The following XPO1 variants were observed in gnomAD, a reference collection of about 807,000 sequenced individuals.
XPO1 encodes exportin 1.
In XPO1, 5 loss-of-function variants were observed where a neutral mutation model predicts 133.3. That is an observed-to-expected ratio of 0.04 (90% CI 0.02 to 0.08). The LOEUF (loss-of-function observed/expected upper bound fraction) is 0.08. Ranked by LOEUF, XPO1 falls within the 10% of genes least tolerant of loss-of-function variation. XPO1 has a pLI of 1.00. For synonymous variants in XPO1, 419 were observed against 408.2 expected (o/e 1.03, Z -0.32); for missense variants, 506 against 1,267.5 (o/e 0.40, Z 9.12).
chr2:61,499,222 A>C (rs1385561700), intron 7 of XPO1, among the ~76,000 whole-genome samples: 1 of 152,232 alleles, frequency 6.6e-6, no homozygotes, highest in Non-Finnish European at 1.5e-5. Flanking sequence ...ACTATTGTTA[A>C]CAATTGGGGA....
chr2:61,506,203 T>C (rs545604116), intron 4 of XPO1, among the ~76,000 whole-genome samples: 2 of 152,204 alleles, frequency 1.3e-5, no homozygotes, highest in East Asian at 3.9e-4. Flanking sequence ...GGCAGATCAC[T>C]TGAGGTCAGG....
intron 16 of XPO1, among the ~76,000 whole-genome samples, chr2:61,491,794 C>A (rs1473204358): frequency 6.6e-6 from 1 of 151,462 alleles, no homozygotes; most frequent in Non-Finnish European, 1.5e-5. Flanking sequence ...CAGCTACCCA[C>A]GAGGCCAAGG....
chr2:61,482,785 T>G, intron 22 of XPO1, 172 bp downstream of exon 22: 3 of 833,096 alleles, frequency 3.6e-6, no homozygotes, highest in Non-Finnish European at 3.6e-6. Flanking sequence ...TATTGTATCT[T>G]TTATTTTTTT....
chr2:61,520,026 A>C (rs1347519001), intron 4 of XPO1, among the ~76,000 whole-genome samples: 3 of 152,148 alleles, frequency 2.0e-5, no homozygotes, highest in Non-Finnish European at 1.5e-5. Flanking sequence ...ACTGTGACAT[A>C]CAGCACTTTG....
chr2:61,502,194 C>A (rs1697562388), intron 5 of XPO1, 55 bp downstream of exon 5: 2 of 1,587,472 alleles, frequency 1.3e-6, no homozygotes, highest in African/African-American at 2.7e-5. Context: ...TGTAGTCAGA[C>A]TCAATATCTA....
chr2:61,518,419 C>CAAA (rs1698514315), intron 4 of XPO1, among the ~76,000 whole-genome samples: 1 of 15,842 alleles, frequency 6.3e-5, no homozygotes, highest in Admixed American at 5.0e-4. Flanking sequence ...AAAAACAAAA[C>CAAA]ACACACACAC....
At chr2:61,496,833 A>G in intron 10 of XPO1, 46 bp downstream of exon 10, 1 of 1,456,910 alleles carries the variant, frequency 6.9e-7, no homozygotes, top group Non-Finnish European at 9.1e-7. Context: ...GTATTTTCTA[A>G]GGCACTAAAA....
rs2104382841 is a variant in XPO1 at position 61,488,246 on chromosome 2, C to T, written c.2232G>A (p.Leu744=). 1 of 1,613,952 alleles carries T rather than the reference C, an allele frequency of 6.2e-7. No individual in the cohort carries two copies. Among genetic ancestry groups the T allele is most frequent in the Non-Finnish European group, 8.5e-7 (1 of 1,179,934 alleles). ...TTTTTACAGTTCGCATACTTCTAAT[C>T]AATGGTTGCTTTGTAACCATTTCAC... ...ANGEMVTKQP[L]IRSMRTVKRE... Residue 744 remains leucine, a synonymous_variant, in exon 19 of 25, where the codon TTG becomes TTA. Coordinates refer to ENST00000401558, the MANE Select transcript of XPO1 (RefSeq NM_003400.4).
At chr2:61,486,033 T>C in intron 19 of XPO1, 71 bp from the exon 20 acceptor site, 5 of 1,366,712 alleles carry the variant, frequency 3.7e-6, no homozygotes, top group Non-Finnish European at 5.0e-6. Context: ...AACAAGGTTA[T>C]TCCTGTCTAT....
chr2:61,514,382 G>A (rs1698251343), intron 4 of XPO1, among the ~76,000 whole-genome samples: 2 of 151,970 alleles, frequency 1.3e-5, no homozygotes, highest in South Asian at 4.2e-4. Context: ...TACCAGGTCA[G>A]GAGTTCGAGA....
intron 4 of XPO1, among the ~76,000 whole-genome samples, chr2:61,518,294 T>A (rs1033230608): frequency 2.0e-5 from 3 of 151,600 alleles, no homozygotes; most frequent in African/African-American, 7.3e-5. Context: ...GGTTCGCACC[T>A]GTAATCCCAG....
chr2:61,482,258 G>T, intron 23 of XPO1, 122 bp downstream of exon 23: 1 of 638,430 alleles, frequency 1.6e-6, no homozygotes, highest in Non-Finnish European at 2.3e-6. Context: ...TGTCTAGGTT[G>T]GTCTCCAACT....
chr2:61,520,702 G>A (rs1021902697), intron 4 of XPO1, among the ~76,000 whole-genome samples: 1 of 152,140 alleles, frequency 6.6e-6, no homozygotes, highest in Non-Finnish European at 1.5e-5. Context: ...TGTAACAAAT[G>A]TAACTACAGT....
chr2:61,518,338 G>A (rs1558666958), intron 4 of XPO1, among the ~76,000 whole-genome samples: 2 of 151,440 alleles, frequency 1.3e-5, no homozygotes, highest in Admixed American at 6.6e-5. Flanking sequence ...GGATGACGAG[G>A]TCAGGAGATC....
chr2:61,492,508 T>G lies in XPO1; in HGVS notation c.1567-27A>C. ...TGTAAATAAGACAAATTTGTATTAT[T>G]TATTGTAACAACATAATACTTATTT... On this transcript the variant is annotated intron_variant, in intron 14 of 24. Coordinates refer to ENST00000401558, the MANE Select transcript of XPO1 (RefSeq NM_003400.4). This position sits in a 1 kb window ranked among gnomAD's most constrained non-coding sequence, Gnocchi z 5.6. 1 of 1,589,962 alleles carries G rather than the reference T, an allele frequency of 6.3e-7. No homozygotes were observed. The highest frequency in any genetic ancestry group is 8.5e-7 in the Non-Finnish European group (1 of 1,171,324).
intron 21 of XPO1, 122 bp from the exon 22 acceptor site, chr2:61,483,213 T>C: frequency 9.8e-7 from 1 of 1,025,490 alleles, no homozygotes; most frequent in Non-Finnish European, 1.4e-6. Flanking sequence ...GGATGATGAC[T>C]AATAATTACT....
intron 10 of XPO1, among the ~76,000 whole-genome samples, 188 bp from the exon 11 acceptor site, chr2:61,495,801 C>A (rs1027405626): frequency 1.3e-5 from 2 of 151,988 alleles, no homozygotes; most frequent in Non-Finnish European, 1.5e-5. Context: ...TCCCGAGTAG[C>A]TGGAACCACA....
chr2:61,506,536 T>G (rs1329845292), intron 4 of XPO1, among the ~76,000 whole-genome samples: 1 of 135,092 alleles, frequency 7.4e-6, no homozygotes, highest in Non-Finnish European at 1.5e-5. Context: ...GAGCCAGAGG[T>G]TGCTCTGAGC....
intron 2 of XPO1, among the ~76,000 whole-genome samples, chr2:61,530,828 T>C (rs1699119856): frequency 6.6e-6 from 1 of 151,942 alleles, no homozygotes. Context: ...ATTTTATGAG[T>C]AGCAAAAAAA....
Sources: allele counts gnomAD v4.1 joint callset (sites outside exome capture counted in the v4.1 genomes callset), GRCh38; gene constraint gnomAD v4.1.1; non-coding constraint Gnocchi (gnomAD v3.1); transcripts MANE v1.5; gene names NCBI Gene and HGNC (gene_info 2026-07-23, HGNC 2026-07-21).